The following SRP54 variants were observed in gnomAD, a reference collection of about 807,000 sequenced individuals.
The protein encoded by SRP54 is signal recognition particle subunit SRP54.
In SRP54, 10 loss-of-function variants were observed where a neutral mutation model predicts 64.8. The observed-to-expected ratio is 0.15, with a 90% CI of 0.10 to 0.26. The LOEUF is 0.26. Among genes scored for constraint, SRP54 ranks in the 10% least tolerant of loss-of-function variants. SRP54 has a pLI of 1.00. For missense variants in SRP54, 325 were observed against 613.7 expected (o/e 0.53, Z 4.97); for synonymous variants, 193 against 185.6 (o/e 1.04, Z -0.32).
At chr14:35,004,894 A>G (rs1268204974) in intron 4 of SRP54, among the ~76,000 whole-genome samples, 1 of 152,198 alleles carries the variant, frequency 6.6e-6, no homozygotes, top group Non-Finnish European at 1.5e-5. Flanking sequence ...TCTCTTCTCT[A>G]CCTCATGGCT....
intron 4 of SRP54, among the ~76,000 whole-genome samples, chr14:35,002,818 AC>A (rs545274560): frequency 4.5e-5 from 6 of 134,434 alleles, no homozygotes; most frequent in African/African-American, 1.4e-4. Flanking sequence ...ATCATGGCTC[AC>A]TGTAGCCTCA....
intron 10 of SRP54, among the ~76,000 whole-genome samples, 185 bp downstream of exon 10, chr14:35,014,087 G>A (rs1020903008): frequency 6.6e-6 from 1 of 152,036 alleles, no homozygotes; most frequent in Non-Finnish European, 1.5e-5. Context: ...GTAAAATGAG[G>A]TATCTAGTAG....
At position 34,996,744 on chromosome 14, in the gene SRP54, C is replaced by T. The variant is rs1566644417; in HGVS notation, c.35C>T (p.Ser12Leu). Residue 12 changes from serine (S) to leucine (L), a missense_variant, in exon 2 of 16, where the codon TCA becomes TTA. Transcript: ENST00000216774. Reference sequence around the variant, plus strand: ...GCAGACCTTGGAAGAAAAATAACATCAGCATTACGCTCGTTGAGCAATGCC... The same window carrying T: ...GCAGACCTTGGAAGAAAAATAACATTAGCATTACGCTCGTTGAGCAATGCC... The part of the protein sequence containing the change: ...VLADLGRKIT[S>L]ALRSLSNATI... 14 of 1,613,364 alleles carry T rather than the reference C, an allele frequency of 8.7e-6. No individual in the cohort carries two copies. The highest frequency in any genetic ancestry group is 5.5e-5 in the South Asian group (5 of 91,074).
intron 1 of SRP54, among the ~76,000 whole-genome samples, chr14:34,989,213 G>T (rs1451787739): frequency 6.6e-6 from 1 of 152,130 alleles, no homozygotes; most frequent in East Asian, 1.9e-4. Context: ...TAGAAGAAAG[G>T]ACTTTTGGCC....
chr14:34,985,031 T>G (rs1235706406), intron 1 of SRP54, among the ~76,000 whole-genome samples: 2 of 152,184 alleles, frequency 1.3e-5, no homozygotes, highest in Admixed American at 1.3e-4. Context: ...TAGGTTAAAT[T>G]TTTAAAAGGA....
At position 34,999,966 on chromosome 14, in the gene SRP54, A is replaced by G. The variant is rs184543979; in HGVS notation, c.170+317A>G. The stretch of plus-strand genomic sequence containing the variant: ...AGCCTTTTAACAATTCAGGCTCTTC[A>G]TAGAAAAGTACTGCCATTTTATTCT... On this transcript the variant is annotated intron_variant, in intron 3 of 15. Coordinates refer to ENST00000216774, the MANE Select transcript of SRP54 (RefSeq NM_003136.4). 4.4e-3 allele frequency: 734 copies of G among 166,386 alleles called. 5 individuals are homozygous for G. Among genetic ancestry groups the G allele is most frequent in the Middle Eastern group, 0.019 (7 of 366 alleles). 10.3% of individuals were successfully genotyped at this position (166,386 alleles called of 1,614,324 possible).
Position 34,996,755 on chromosome 14 carries a change from T to G in SRP54, c.46T>G (p.Ser16Ala). 6.2e-7 allele frequency: 1 copy of G among 1,613,384 alleles called. No homozygotes were observed. Among genetic ancestry groups the G allele is most frequent in the Non-Finnish European group, 8.5e-7 (1 of 1,179,400 alleles). ...AAGAAAAATAACATCAGCATTACGC[T>G]CGTTGAGCAATGCCACCATTATCAA... ...LGRKITSALR[S>A]LSNATIINEE... The change falls in exon 2 of 16, where the codon TCG becomes GCG. Residue 16 changes from serine (S) to alanine (A), a missense_variant. Ser to Ala is a moderately conservative substitution (Grantham distance 99, BLOSUM62 1). Around this residue, in one of 3 missense-constraint regions of SRP54, gnomAD observed 156 missense variants for 254.6 expected, o/e 0.61. Coordinates refer to ENST00000216774, the MANE Select transcript of SRP54 (RefSeq NM_003136.4).
At chr14:34,999,252 T>G (rs1400366493) in intron 2 of SRP54, among the ~76,000 whole-genome samples, 1 of 152,102 alleles carries the variant, frequency 6.6e-6, no homozygotes, top group African/African-American at 2.4e-5. Flanking sequence ...TGACCTCAAG[T>G]GGTCTGCCCA....
chr14:35,008,166 C>T (rs979759519), intron 5 of SRP54, among the ~76,000 whole-genome samples: 6 of 152,162 alleles, frequency 3.9e-5, no homozygotes, highest in African/African-American at 1.4e-4. Context: ...AGCTTGAGTG[C>T]AGTGGCACGC....
At chr14:35,014,050 G>T (rs2044397528) in intron 10 of SRP54, 148 bp downstream of exon 10, 1 of 611,632 alleles carries the variant, frequency 1.6e-6, no homozygotes, top group Admixed American at 3.3e-5. Flanking sequence ...TAGAGATAAT[G>T]GTTATCTGCC....
At chr14:35,012,568 A>G (rs766328109) in intron 8 of SRP54, among the ~76,000 whole-genome samples, 17 of 151,890 alleles carry the variant, frequency 1.1e-4, no homozygotes, top group Non-Finnish European at 1.5e-5. Context: ...TTCAGTATAC[A>G]CTCTTCTACT....
At chr14:34,988,617 A>G (rs1253339185) in intron 1 of SRP54, among the ~76,000 whole-genome samples, 6 of 136,400 alleles carry the variant, frequency 4.4e-5, no homozygotes, top group African/African-American at 1.6e-4. Context: ...TATAATGTAT[A>G]TATTTTACTA....
In SRP54 at chr14:35,019,068, G is replaced by T; in HGVS notation, c.1150G>T (p.Asp384Tyr). 1 of 1,607,886 alleles carries T rather than the reference G, an allele frequency of 6.2e-7. No individual in the cohort carries two copies. The highest frequency in any genetic ancestry group is 1.1e-5 in the South Asian group (1 of 90,750). ...KLMTIMDSMN[D>Y]QELDSTDGAK... ...AATGACAATAATGGATAGTATGAAT[G>T]ATCAAGGTAAGATGGCAGATTATTT... The change falls in exon 13 of 16, where the codon GAT (aspartate) becomes TAT (tyrosine). Residue 384 changes from aspartate to tyrosine, a missense_variant. Physicochemically the swap from Asp to Tyr is radical, Grantham distance 160. This residue lies in a region of SRP54 where 146 missense variants were observed against 337.4 expected (regional missense o/e 0.43). Coordinates refer to ENST00000216774, the MANE Select transcript of SRP54 (RefSeq NM_003136.4).
At position 35,023,049 on chromosome 14, in the gene SRP54, A is replaced by G. The variant is rs201181084; in HGVS notation, c.1296A>G (p.Lys432=). 2,446 of 1,613,410 alleles carry G rather than the reference A, an allele frequency of 1.5e-3. 58 individuals carry two copies. The South Asian group carries it at 0.026, about 17-fold the overall frequency. The stretch of plus-strand genomic sequence containing the variant: ...ATACCAAGTTTGCACAGATGGTAAA[A>G]AAGATGGGAGGTATCAAAGGACTTT... The part of the protein sequence containing the change: ...TQYTKFAQMV[K]KMGGIKGLFK... Residue 432 remains lysine, a synonymous_variant, in exon 14 of 16, where the codon AAA becomes AAG. Transcript: ENST00000216774.
chr14:35,025,779 T>A (rs1412350644), intron 14 of SRP54, among the ~76,000 whole-genome samples: 1 of 152,334 alleles, frequency 6.6e-6, no homozygotes, highest in East Asian at 1.9e-4. Flanking sequence ...TCATTCATAG[T>A]TTATAATTCA....
chr14:35,025,722 C>G (rs2044610269), intron 14 of SRP54, among the ~76,000 whole-genome samples: 1 of 152,192 alleles, frequency 6.6e-6, no homozygotes, highest in African/African-American at 2.4e-5. Flanking sequence ...ATTTATTCAT[C>G]ATAAATGGTT....
Position 34,983,109 on chromosome 14 carries a change from T to A in SRP54, c.-140T>A, listed in dbSNP as rs780882618. 3.3e-5 allele frequency: 5 copies of A among 152,376 alleles called. No homozygotes were observed. Among genetic ancestry groups the A allele is most frequent in the Non-Finnish European group, 5.9e-5 (4 of 68,160 alleles). 9.4% of individuals were successfully genotyped at this position (152,376 alleles called of 1,614,324 possible). A position where few individuals can be genotyped will look rare whatever the true frequency, so the allele number is the denominator to read the frequency against. On this transcript the variant is annotated 5_prime_UTR_variant, in exon 1 of 16. Coordinates refer to ENST00000216774, the MANE Select transcript of SRP54 (RefSeq NM_003136.4). ...TTCGGGAAGTTGGGTTGTGGGGTCATACCTGTCTGTCTGCTCCCAGCTTTC... is the reference window on the plus strand; with the variant it reads ...TTCGGGAAGTTGGGTTGTGGGGTCAAACCTGTCTGTCTGCTCCCAGCTTTC...
At chr14:34,989,230 A>G (rs910128728) in intron 1 of SRP54, among the ~76,000 whole-genome samples, 3 of 152,158 alleles carry the variant, frequency 2.0e-5, no homozygotes, top group Non-Finnish European at 4.4e-5. Context: ...GGCCAGGTGC[A>G]GTGGCTCATG....
chr14:35,021,367 C>CA (rs2044526693), intron 13 of SRP54, among the ~76,000 whole-genome samples: 1 of 152,130 alleles, frequency 6.6e-6, no homozygotes, highest in Non-Finnish European at 1.5e-5. Flanking sequence ...CGGTGGCTCT[C>CA]AACTGTAATC....
Sources: allele counts gnomAD v4.1 joint callset (sites outside exome capture counted in the v4.1 genomes callset), GRCh38; gene constraint gnomAD v4.1.1; regional missense constraint gnomAD v4.1.1; transcripts MANE v1.5; gene names NCBI Gene and HGNC (gene_info 2026-07-23, HGNC 2026-07-21).